SNX8: variants seen among roughly 807,000 people sequenced by gnomAD.
SNX8 encodes the protein sorting nexin 8, also known as sorting nexin-8.
SNX8 carries 25 observed loss-of-function variants against 51.6 expected under a neutral mutation model. The observed-to-expected ratio is 0.48, with a 90% CI of 0.35 to 0.68. The LOEUF (loss-of-function observed/expected upper bound fraction) is 0.68, where lower values mean the gene tolerates loss of function less well. SNX8 is among the 30% of genes least tolerant of loss of function. SNX8 has a pLI of 0.00. For synonymous variants in SNX8, 324 were observed against 277.0 expected, an observed-to-expected ratio of 1.17 and a Z score of -1.68; for missense variants, 695 against 624.0, an observed-to-expected ratio of 1.11 and a Z score of -1.21.
At chr7:2,319,523 A>G (rs1427412249) in intron 1 of SNX8, among the ~76,000 whole-genome samples, 1 of 147,572 alleles carries the variant, frequency 6.8e-6, no homozygotes, top group Non-Finnish European at 1.5e-5. Context: ...TACAAAAATT[A>G]GCTAGGTGTG....
rs539730061 is a variant in SNX8, at chr7:2,304,075, G to A, written c.94+10253C>T. On this transcript the variant is annotated intron_variant, in intron 1 of 10. Transcript: ENST00000222990. Reference sequence around the variant, plus strand: ...CCAGCTACTCGGGAGGCTGAGGCAGGAGAATGGCATGAATCCAGGAGGCGG... The same window carrying A: ...CCAGCTACTCGGGAGGCTGAGGCAGAAGAATGGCATGAATCCAGGAGGCGG... Among the ~76,000 whole-genome samples the A allele has an allele frequency of 1.7e-4, 26 of 150,786 alleles. No individual in the cohort carries two copies. In the South Asian group the frequency reaches 5.0e-3, roughly 29 times the overall value.
At chr7:2,329,992 G>A (rs1162357950) in intron 1 of SNX8, among the ~76,000 whole-genome samples, 1 of 129,316 alleles carries the variant, frequency 7.7e-6, no homozygotes, top group Non-Finnish European at 1.6e-5. Context: ...ATGCCACCAC[G>A]GCTAATTTTT....
intron 1 of SNX8, among the ~76,000 whole-genome samples, chr7:2,301,116 G>C (rs1328692301): frequency 6.6e-6 from 1 of 152,234 alleles, no homozygotes; most frequent in Admixed American, 6.5e-5. Context: ...TAGCACAATT[G>C]TCTAGGGTGT....
chr7:2,322,781 CT>C, intron 1 of SNX8, among the ~76,000 whole-genome samples: 1 of 152,008 alleles, frequency 6.6e-6, no homozygotes, highest in East Asian at 1.9e-4. Flanking sequence ...CTTTGGGAGG[CT>C]GAAGTATGTG....
At chr7:2,346,339 G>C (rs1279274544) in intron 1 of SNX8, among the ~76,000 whole-genome samples, 5 of 149,590 alleles carry the variant, frequency 3.3e-5, no homozygotes, top group Admixed American at 6.6e-5. Context: ...CCAGCTACTG[G>C]GGAGGCCGAA....
intron 1 of SNX8, among the ~76,000 whole-genome samples, chr7:2,346,447 G>A (rs1355163740): frequency 2.1e-4 from 29 of 139,464 alleles, no homozygotes; most frequent in African/African-American, 5.3e-4. Context: ...CTCTCAAAAC[G>A]AAAAAAAAAA....
At chr7:2,304,649 A>G (rs1408523422) in intron 1 of SNX8, among the ~76,000 whole-genome samples, 1 of 152,096 alleles carries the variant, frequency 6.6e-6, no homozygotes, top group Non-Finnish European at 1.5e-5. Context: ...TGCACATAAC[A>G]CAGGGTCACT....
At chr7:2,322,131 T>C (rs1778532411) in intron 1 of SNX8, among the ~76,000 whole-genome samples, 1 of 152,100 alleles carries the variant, frequency 6.6e-6, no homozygotes, top group African/African-American at 2.4e-5. Flanking sequence ...TTTAGGAAAA[T>C]GGGAACTAGC....
intron 5 of SNX8, among the ~76,000 whole-genome samples, chr7:2,267,322 C>A (rs1249734072): frequency 1.5e-5 from 2 of 137,444 alleles, no homozygotes; most frequent in African/African-American, 5.4e-5. Flanking sequence ...CCCTCCCCCT[C>A]CCCCTCCCCC....
intron 1 of SNX8, among the ~76,000 whole-genome samples, chr7:2,348,499 C>G (rs1260844038): frequency 6.6e-6 from 1 of 151,862 alleles, no homozygotes; most frequent in East Asian, 2.0e-4. Context: ...CGCCACCAGG[C>G]CCGGCTAATT....
intron 1 of SNX8, among the ~76,000 whole-genome samples, chr7:2,339,793 T>C (rs987934465): frequency 1.3e-5 from 2 of 152,036 alleles, no homozygotes; most frequent in Non-Finnish European, 2.9e-5. Flanking sequence ...GAATTAGATA[T>C]ATAAGAACAG....
rs1006434048 is a variant in SNX8, at chr7:2,322,650, C to T, written c.-66+31572G>A. 4.0e-5 allele frequency among the ~76,000 whole-genome samples: 6 copies of T among 151,414 alleles called. No homozygotes were observed. In the South Asian group the frequency reaches 1.0e-3, roughly 26 times the overall value. On this transcript the variant is annotated intron_variant, in intron 1 of 5. Transcript: ENST00000435336. The stretch of plus-strand genomic sequence containing the variant: ...TGGATGTTGCAGTGAGCCATAATCG[C>T]GCCACTGCACTCCAGCCTGGGTGAC...
intron 1 of SNX8, among the ~76,000 whole-genome samples, chr7:2,340,584 C>T (rs1053911115): frequency 1.3e-5 from 2 of 151,510 alleles, no homozygotes; most frequent in East Asian, 1.9e-4. Flanking sequence ...AGGCCAGGTG[C>T]GGTGGCTCAC....
At chr7:2,287,874 C>T (rs895850380) in intron 1 of SNX8, 1 of 151,840 alleles carries the variant, frequency 6.6e-6, no homozygotes, top group African/African-American at 2.4e-5. Flanking sequence ...AACACCATTG[C>T]ACTCCTGCCT....
At chr7:2,299,431 C>G (rs1203990498) in intron 1 of SNX8, 1 of 152,174 alleles carries the variant, frequency 6.6e-6, no homozygotes, top group Non-Finnish European at 1.5e-5. Flanking sequence ...TCCCACCAAT[C>G]CCCCGGAACC....
At chr7:2,291,054 G>A (rs1275981612) in intron 1 of SNX8, among the ~76,000 whole-genome samples, 1 of 152,182 alleles carries the variant, frequency 6.6e-6, no homozygotes, top group Non-Finnish European at 1.5e-5. Flanking sequence ...AGAACTTTGG[G>A]AGGCTGAGGC....
chr7:2,341,853 A>C (rs1778932276), intron 1 of SNX8, among the ~76,000 whole-genome samples: 1 of 151,824 alleles, frequency 6.6e-6, no homozygotes, highest in Non-Finnish European at 1.5e-5. Flanking sequence ...CGGGTGTGTA[A>C]TCTGAGCTAC....
chr7:2,302,859 T>C (rs560984261), intron 1 of SNX8, among the ~76,000 whole-genome samples: 2 of 149,012 alleles, frequency 1.3e-5, no homozygotes, highest in Admixed American at 6.7e-5. Context: ...GGAGACCCTC[T>C]GCCTGGCAAC....
At chr7:2,331,646 A>G (rs1418078190) in intron 1 of SNX8, among the ~76,000 whole-genome samples, 1 of 152,018 alleles carries the variant, frequency 6.6e-6, no homozygotes, top group Non-Finnish European at 1.5e-5. Flanking sequence ...CAGAGCTTGC[A>G]GTGAGCCAAG....
Sources: allele counts gnomAD v4.1 joint callset (sites outside exome capture counted in the v4.1 genomes callset), GRCh38; gene constraint gnomAD v4.1.1; transcripts MANE v1.5; gene names NCBI Gene and HGNC (gene_info 2026-07-23, HGNC 2026-07-21).